The following DPP10 variants were observed in gnomAD, a reference collection of about 807,000 sequenced individuals.
DPP10 encodes the protein inactive dipeptidyl peptidase 10.
A neutral mutation model predicts 120.9 loss-of-function variants in DPP10; 33 were observed. That is an observed-to-expected ratio of 0.27 (90% CI 0.21 to 0.37). The LOEUF is 0.37. Ranked by LOEUF, DPP10 falls within the 10% of genes least tolerant of loss-of-function variation. The probability of loss-of-function intolerance (pLI) is 1.00; values close to 1 mark genes in which losing one functional copy is unlikely to be tolerated. For synonymous variants in DPP10, 337 were observed against 326.1 expected, an observed-to-expected ratio of 1.03 and a Z score of -0.36; for missense variants, 816 against 942.8, an observed-to-expected ratio of 0.87 and a Z score of 1.76.
chr2:114,675,974 A>G (rs911632792), intron 1 of DPP10, among the ~76,000 whole-genome samples: 5 of 151,908 alleles, frequency 3.3e-5, no homozygotes, highest in African/African-American at 1.2e-4. Context: ...TAATTTTTGT[A>G]TTTTTAGTAG....
At chr2:115,207,805 A>G (rs1431695468) in intron 1 of DPP10, among the ~76,000 whole-genome samples, 2 of 152,112 alleles carry the variant, frequency 1.3e-5, no homozygotes, top group Non-Finnish European at 2.9e-5. Context: ...TTTCAGGGTT[A>G]TGCGAAGATC....
rs576010235 is a variant in DPP10 at position 115,449,145 on chromosome 2, T to A, written c.272-50365T>A. 7.2e-5 allele frequency among the ~76,000 whole-genome samples: 11 copies of A among 152,268 alleles called. No homozygotes were observed. The South Asian group carries it at 2.1e-3, about 29-fold the overall frequency. ...TAACTCCTCCACTTTAAGTTTGATT[T>A]ACGCAAAAAAATTGTACATTTTTAA... On this transcript the variant is annotated intron_variant, in intron 3 of 25. Transcript: ENST00000410059.
intron 1 of DPP10, among the ~76,000 whole-genome samples, chr2:115,247,002 C>T (rs1252012643): frequency 2.0e-5 from 3 of 152,014 alleles, no homozygotes; most frequent in Non-Finnish European, 2.9e-5. Context: ...TCAGTTTTCC[C>T]AAACAGCTTT....
chr2:115,554,118 G>A (rs1296602855), intron 5 of DPP10, among the ~76,000 whole-genome samples: 1 of 151,238 alleles, frequency 6.6e-6, no homozygotes, highest in Non-Finnish European at 1.5e-5. Context: ...TTACTAAAGT[G>A]TCTACTCCCA....
At chr2:115,555,302 G>A (rs2080140961) in intron 5 of DPP10, among the ~76,000 whole-genome samples, 2 of 152,166 alleles carry the variant, frequency 1.3e-5, no homozygotes, top group East Asian at 1.9e-4. Context: ...GTGAATTAAA[G>A]CATACAAATT....
At chr2:114,764,526 G>A (rs1393592382) in intron 1 of DPP10, among the ~76,000 whole-genome samples, 1 of 151,854 alleles carries the variant, frequency 6.6e-6, no homozygotes, top group Non-Finnish European at 1.5e-5. Flanking sequence ...TAATGTGTAT[G>A]AGGTCAGTAA....
chr2:114,790,920 G>C (rs1190769702), intron 1 of DPP10, among the ~76,000 whole-genome samples: 1 of 152,116 alleles, frequency 6.6e-6, no homozygotes, highest in African/African-American at 2.4e-5. Context: ...TCAGAGGCCT[G>C]ACAATTCTCA....
chr2:115,504,912 G>C (rs528423863), intron 4 of DPP10, among the ~76,000 whole-genome samples: 3 of 152,230 alleles, frequency 2.0e-5, no homozygotes, highest in African/African-American at 7.2e-5. Context: ...TAGTCTTGTT[G>C]CTTCTATGTG....
intron 1 of DPP10, among the ~76,000 whole-genome samples, chr2:114,658,703 T>C (rs1340550424): frequency 6.6e-6 from 1 of 152,208 alleles, no homozygotes; most frequent in Non-Finnish European, 1.5e-5. Flanking sequence ...GTATAACAGA[T>C]AAATTGAGCA....
At chr2:115,215,862 A>G (rs909226192) in intron 1 of DPP10, among the ~76,000 whole-genome samples, 1 of 152,212 alleles carries the variant, frequency 6.6e-6, no homozygotes, top group Non-Finnish European at 1.5e-5. Context: ...TCATATGTGT[A>G]TTGCATTACT....
chr2:114,964,008 T>G (rs1275163560), intron 1 of DPP10, among the ~76,000 whole-genome samples: 3 of 152,172 alleles, frequency 2.0e-5, no homozygotes, highest in Non-Finnish European at 1.5e-5. Context: ...AAGAAGTAAG[T>G]AGGAGACAGG....
chr2:115,249,918 G>T (rs2058683564), intron 1 of DPP10, among the ~76,000 whole-genome samples: 1 of 152,118 alleles, frequency 6.6e-6, no homozygotes, highest in African/African-American at 2.4e-5. Flanking sequence ...TAATTGCTTT[G>T]TATTTATTGA....
At chr2:115,026,655 C>A (rs1297141813) in intron 1 of DPP10, among the ~76,000 whole-genome samples, 1 of 152,148 alleles carries the variant, frequency 6.6e-6, no homozygotes, top group Non-Finnish European at 1.5e-5. Context: ...CATGCCTCAG[C>A]CTCCCAGTGT....
At chr2:114,497,147 G>A (rs1351633939) in intron 1 of DPP10, among the ~76,000 whole-genome samples, 2 of 143,048 alleles carry the variant, frequency 1.4e-5, no homozygotes, top group Non-Finnish European at 3.0e-5. Context: ...GTATACACGT[G>A]TATACATGTA....
chr2:115,427,777 ACTTGAATT>A (rs1212970018), intron 3 of DPP10, among the ~76,000 whole-genome samples: 3 of 152,218 alleles, frequency 2.0e-5, no homozygotes, highest in Non-Finnish European at 4.4e-5. Context: ...TGCACAACCT[ACTTGAATT>A]CTTCTCCTAA....
intron 1 of DPP10, among the ~76,000 whole-genome samples, chr2:114,589,025 C>G (rs1178515067): frequency 1.7e-5 from 2 of 116,298 alleles, no homozygotes; most frequent in Admixed American, 2.0e-4. Context: ...GGTAGAAAGG[C>G]AAAGGTTTTT....
At chr2:115,750,297 G>A in intron 10 of DPP10, 1 of 722,552 alleles carries the variant, frequency 1.4e-6, no homozygotes, top group African/African-American at 1.9e-5. Flanking sequence ...CTAGGCTCCT[G>A]GGGCAAGGAA....
chr2:114,763,728 A>T (rs1558716648), intron 1 of DPP10, among the ~76,000 whole-genome samples: 1 of 152,238 alleles, frequency 6.6e-6, no homozygotes, highest in Non-Finnish European at 1.5e-5. Flanking sequence ...AGTAGCAATT[A>T]GAATGGGGGA....
At chr2:115,517,888 A>T (rs2077587850) in intron 4 of DPP10, among the ~76,000 whole-genome samples, 1 of 152,134 alleles carries the variant, frequency 6.6e-6, no homozygotes, top group Admixed American at 6.6e-5. Context: ...AATTTACGTA[A>T]AAGATGTTTA....
Sources: allele counts gnomAD v4.1 joint callset (sites outside exome capture counted in the v4.1 genomes callset), GRCh38; gene constraint gnomAD v4.1.1; transcripts MANE v1.5; gene names NCBI Gene and HGNC (gene_info 2026-07-23, HGNC 2026-07-21).